The following NOD1 variants were observed in gnomAD, a reference collection of about 807,000 sequenced individuals.
The protein encoded by NOD1 is nucleotide binding oligomerization domain containing 1, also known as nucleotide-binding oligomerization domain-containing protein 1.
In NOD1, 70 loss-of-function variants were observed where a neutral mutation model predicts 81.2. The ratio of observed to expected loss-of-function variants is 0.86; its 90% CI spans 0.71 to 1.05. The LOEUF is 1.05. Ranked by LOEUF, NOD1 falls within the 50% of genes least tolerant of loss-of-function variation. The probability of loss-of-function intolerance (pLI) is 0.00; values close to 1 mark genes in which losing one functional copy is unlikely to be tolerated. For missense variants in NOD1, 1,233 were observed against 1,228.0 expected (o/e 1.00, Z -0.06); for synonymous variants, 508 against 526.9 (o/e 0.96, Z 0.49).
chr7:30,426,473 C>T (rs1783465316), intron 13 of NOD1, among the ~76,000 whole-genome samples: 1 of 151,808 alleles, frequency 6.6e-6, no homozygotes, highest in African/African-American at 2.4e-5. Context: ...TTGGTCTGAG[C>T]ACCCATCATC....
At chr7:30,461,684 G>A (rs926137941) in intron 1 of NOD1, among the ~76,000 whole-genome samples, 1 of 152,222 alleles carries the variant, frequency 6.6e-6, no homozygotes, top group African/African-American at 2.4e-5. Flanking sequence ...AGACATCAGA[G>A]TTCCTGCCTG....
At position 30,469,187 on chromosome 7, in the gene NOD1, T is replaced by A. The variant is rs530223774; in HGVS notation, c.-351-9146A>T. ...TTAACCTGGAAAACAAGCCCGGTCA[T>A]GTGGGCCTCTGCCATGCCAGAACAC... On this transcript the variant is annotated intron_variant, in intron 1 of 13. Transcript: ENST00000222823. 7.1e-6 allele frequency: 7 copies of A among 985,334 alleles called. No individual in the cohort carries two copies. The Admixed American group carries it at 4.3e-4, about 61-fold the overall frequency. 61.0% of individuals were successfully genotyped at this position (985,334 alleles called of 1,614,324 possible).
At position 30,437,653 on chromosome 7, in the gene NOD1, C is replaced by A; in HGVS notation, c.2457G>T (p.Met819Ile). ...KNSKSISEVG[M>I]WGNQVGDEGA... ...CTTCATCCCCAACTTGATTGCCCCACATCCTGAGGGAGGAGACAAGATAGT... is the reference window on the plus strand; with the variant it reads ...CTTCATCCCCAACTTGATTGCCCCAAATCCTGAGGGAGGAGACAAGATAGT... Residue 819 changes from methionine to isoleucine, a missense_variant, in exon 10 of 14, where the codon ATG (methionine) becomes ATT (isoleucine). Physicochemically the swap from Met to Ile is conservative, Grantham distance 10. Transcript: ENST00000222823. The A allele has an allele frequency of 6.6e-7, 1 of 1,514,766 alleles. No individual in the cohort carries two copies. The highest frequency in any genetic ancestry group is 1.3e-5 in the South Asian group (1 of 74,652). The allele number at this position is 1,514,766 out of a possible 1,614,324, so 93.8% of individuals were successfully genotyped here.
At chr7:30,435,701 G>A (rs1784320891) in intron 11 of NOD1, among the ~76,000 whole-genome samples, 1 of 152,138 alleles carries the variant, frequency 6.6e-6, no homozygotes, top group Non-Finnish European at 1.5e-5. Context: ...GCTCACACCT[G>A]CAATCCCAGG....
chr7:30,452,238 G>C lies in NOD1; in HGVS notation c.1179C>G (p.Phe393Leu). 2 of 1,613,832 alleles carry C rather than the reference G, an allele frequency of 1.2e-6. No individual in the cohort carries two copies. Among genetic ancestry groups the C allele is most frequent in the Non-Finnish European group, 1.7e-6 (2 of 1,180,006 alleles). The change falls in exon 6 of 14, where the codon TTC becomes TTG. Residue 393 changes from phenylalanine to leucine, a missense_variant. By Grantham distance (22) the Phe-to-Leu change is conservative (BLOSUM62 0). Transcript: ENST00000222823. ...GGAAGCACCGGAAGATGATCCAGCA[G>C]AAGAGGGGCACAGAGCACAGGCTGC... ...NLCSLCSVPL[F>L]CWIIFRCFQH...
Position 30,452,787 on chromosome 7 carries a change from C to A in NOD1, c.630G>T (p.Met210Ile). The A allele has an allele frequency of 6.2e-7, 1 of 1,614,152 alleles. No homozygotes were observed. The highest frequency in any genetic ancestry group is 1.1e-5 in the South Asian group (1 of 91,086). Reference sequence around the variant, plus strand: ...AGAGGCTCTGCAGCCGCTGTAGCAGCATGGACTTGCCCACCCCAGCATCAC... The same window carrying A: ...AGAGGCTCTGCAGCCGCTGTAGCAGAATGGACTTGCCCACCCCAGCATCAC... ...ILGDAGVGKS[M>I]LLQRLQSLWA... is the part of the protein sequence containing the mutation. Residue 210 changes from methionine to isoleucine, a missense_variant, in exon 6 of 14, where the codon ATG becomes ATT. Coordinates refer to ENST00000222823, the MANE Select transcript of NOD1 (RefSeq NM_006092.4).
In NOD1 at chr7:30,467,482, A is replaced by C. The variant is rs139061346; in HGVS notation, c.-351-7441T>G. 3.3e-4 allele frequency among the ~76,000 whole-genome samples: 51 copies of C among 152,310 alleles called. No homozygotes were observed. The East Asian group carries it at 7.1e-3, about 21-fold the overall frequency. On this transcript the variant is annotated intron_variant, in intron 1 of 13. Transcript: ENST00000222823. The surrounding 1 kb of genome is among the most constrained non-coding windows in gnomAD (Gnocchi z 4.5). The stretch of plus-strand genomic sequence containing the variant: ...GACTGCCTTGTTTTGAGGAACTATG[A>C]CTTTCAACTCAAAGGGCCCACCTGC...
At chr7:30,456,148 C>T (rs749098825) in intron 4 of NOD1, among the ~76,000 whole-genome samples, 1 of 152,222 alleles carries the variant, frequency 6.6e-6, no homozygotes, top group East Asian at 1.9e-4. Context: ...TGAGTCCCAG[C>T]GGGGTCATGT....
chr7:30,466,179 AAC>A (rs1787671933), intron 1 of NOD1, among the ~76,000 whole-genome samples: 1 of 152,228 alleles, frequency 6.6e-6, no homozygotes, highest in African/African-American at 2.4e-5. Flanking sequence ...CTTGAAAACC[AAC>A]ACAGTGGTAG....
At chr7:30,429,572 C>A (rs1783766765) in intron 12 of NOD1, 115 bp from the exon 13 acceptor site, 1 of 816,718 alleles carries the variant, frequency 1.2e-6, no homozygotes, top group African/African-American at 1.7e-5. Context: ...AGGGGAAGAA[C>A]TGAGTCCATG....
At position 30,453,010 on chromosome 7, in the gene NOD1, T is replaced by C. The variant is rs547986895; in HGVS notation, c.407A>G (p.His136Arg). 36 of 1,612,466 alleles carry C rather than the reference T, an allele frequency of 2.2e-5. No homozygotes were observed. In the East Asian group the frequency reaches 2.7e-4, roughly 12 times the overall value. ...VSRYTQQLRH[H>R]LGRDSKFVLC... is the part of the protein sequence containing the mutation. ...CACGAACTTGGAGTCACGGCCCAGA[T>C]GGTGTCGCAGCTGCTGGGTATACCT... Residue 136 changes from histidine to arginine, a missense_variant, in exon 6 of 14, where the codon CAT becomes CGT. Coordinates refer to ENST00000222823, the MANE Select transcript of NOD1 (RefSeq NM_006092.4).
At position 30,451,171 on chromosome 7, in the gene NOD1, G is replaced by C; in HGVS notation, c.2201+45C>G. On this transcript the variant is annotated intron_variant, in intron 6 of 13. Transcript: ENST00000222823. This position sits in a 1 kb window ranked among gnomAD's most constrained non-coding sequence, Gnocchi z 4.2. ...GCCATTCCCGATGCCCTCCGAGCCT[G>C]GCCCGCCCGGCCCACCTGTTGCTCC... 1 of 1,586,182 alleles carries C rather than the reference G, an allele frequency of 6.3e-7. No individual in the cohort carries two copies. Among genetic ancestry groups the C allele is most frequent in the South Asian group, 1.2e-5 (1 of 86,948 alleles).
rs753639809 is a variant in NOD1, at chr7:30,425,623, C to T, written c.*15G>A. 1 of 1,607,190 alleles carries T rather than the reference C, an allele frequency of 6.2e-7. No homozygotes were observed. Among genetic ancestry groups the T allele is most frequent in the African/African-American group, 1.3e-5 (1 of 74,794 alleles). On this transcript the variant is annotated 3_prime_UTR_variant, in exon 14 of 14. Coordinates refer to ENST00000222823, the MANE Select transcript of NOD1 (RefSeq NM_006092.4). The stretch of plus-strand genomic sequence containing the variant: ...GGCTCCAGGGCAAAAACCCCATGAA[C>T]AGGAAAGCATCCTCTCAGAAACAGA...
intron 13 of NOD1, among the ~76,000 whole-genome samples, chr7:30,427,770 T>G (rs73687866): frequency 6.6e-6 from 1 of 152,168 alleles, no homozygotes; most frequent in Non-Finnish European, 1.5e-5. Context: ...ATTTTGAAAC[T>G]TGACAGAATT....
intron 3 of NOD1, 83 bp from the exon 4 acceptor site, chr7:30,457,125 T>G: frequency 1.7e-6 from 1 of 578,172 alleles, no homozygotes; most frequent in Non-Finnish European, 3.1e-6. Flanking sequence ...GGGGTTTCTC[T>G]ACCTAGAGCA....
At chr7:30,429,122 C>T (rs904393393) in intron 13 of NOD1, among the ~76,000 whole-genome samples, 1 of 152,204 alleles carries the variant, frequency 6.6e-6, no homozygotes, top group Non-Finnish European at 1.5e-5. Context: ...GGCGGGGGCC[C>T]AGGGCAGGAG....
intron 1 of NOD1, among the ~76,000 whole-genome samples, chr7:30,472,301 C>T (rs908395438): frequency 1.3e-5 from 2 of 152,204 alleles, no homozygotes; most frequent in African/African-American, 4.8e-5. Flanking sequence ...AACACACCCA[C>T]ATCCTTCCCA....
In NOD1 at chr7:30,451,533, C is replaced by A; in HGVS notation, c.1884G>T (p.Leu628=). The part of the protein sequence containing the change: ...KALWAHLFSS[L]RGYLKSLPRV... The stretch of plus-strand genomic sequence containing the variant: ...GGGGCAGGCTCTTCAGGTAGCCCCG[C>A]AGGCTGGAAAACAGGTGTGCCCACA... Residue 628 remains leucine (L), a synonymous_variant, in exon 6 of 14, where the codon CTG becomes CTT. Coordinates refer to ENST00000222823, the MANE Select transcript of NOD1 (RefSeq NM_006092.4). The surrounding 1 kb of genome is among the most constrained non-coding windows in gnomAD (Gnocchi z 4.2). The A allele has an allele frequency of 6.2e-7, 1 of 1,613,138 alleles. No individual in the cohort carries two copies. Among genetic ancestry groups the A allele is most frequent in the Non-Finnish European group, 8.5e-7 (1 of 1,179,722 alleles).
intron 1 of NOD1, chr7:30,460,534 C>T: frequency 1.0e-6 from 1 of 985,362 alleles, no homozygotes. Flanking sequence ...AAGACAGCTC[C>T]AGGGATACCC....
Sources: allele counts gnomAD v4.1 joint callset (sites outside exome capture counted in the v4.1 genomes callset), GRCh38; gene constraint gnomAD v4.1.1; non-coding constraint Gnocchi (gnomAD v3.1); transcripts MANE v1.5; gene names NCBI Gene and HGNC (gene_info 2026-07-23, HGNC 2026-07-21).